The following RFX7 variants were observed in gnomAD, a reference collection of about 807,000 sequenced individuals.
RFX7 encodes the protein regulatory factor X7, also known as DNA-binding protein RFX7.
RFX7 carries 26 observed loss-of-function variants against 111.8 expected under a neutral mutation model. The observed-to-expected ratio is 0.23, with a 90% CI of 0.17 to 0.32. RFX7 has a LOEUF of 0.32. Among genes scored for constraint, RFX7 ranks in the 10% least tolerant of loss-of-function variants. The pLI, the probability that RFX7 is intolerant of heterozygous loss-of-function variation, is 1.00. For missense variants in RFX7, 1,573 were observed against 1,772.9 expected (o/e 0.89, Z 2.02); for synonymous variants, 624 against 624.4 (o/e 1.00, Z 0.01).
At chr15:56,174,235 G>A (rs1162675970) in intron 3 of RFX7, among the ~76,000 whole-genome samples, 1 of 151,876 alleles carries the variant, frequency 6.6e-6, no homozygotes, top group African/African-American at 2.4e-5. Flanking sequence ...CTGAGATTGT[G>A]CCACTGCACT....
At chr15:56,127,555 T>C (rs7180897) in intron 5 of RFX7, among the ~76,000 whole-genome samples, 128 of 151,224 alleles carry the variant, frequency 8.5e-4, no homozygotes, top group African/African-American at 3.0e-3. Context: ...AAAAGATTTT[T>C]TTTTTTTTTT....
intron 3 of RFX7, among the ~76,000 whole-genome samples, chr15:56,174,075 C>T (rs759693644): frequency 1.2e-4 from 18 of 151,738 alleles, no homozygotes; most frequent in Non-Finnish European, 2.2e-4. Flanking sequence ...GTCACGAGTC[C>T]GAGACCAGTC....
rs10564650 is a variant in RFX7, at chr15:56,125,610, AGTGTGTGTGT to A, written c.401+17158_401+17167del. On this transcript the variant is annotated intron_variant, in intron 5 of 9. Coordinates refer to ENST00000559447, the MANE Select transcript of RFX7 (RefSeq NM_022841.7). ...TCTGAGGGTTTCTTCTGTGTGTGTG[AGTGTGTGTGT>A]GTGTGTGTGTGTGTGTGTGTGTGTG... 6.7e-3 allele frequency among the ~76,000 whole-genome samples: 984 copies of A among 146,986 alleles called. 6 individuals are homozygous for A. The highest frequency in any genetic ancestry group is 0.01 in the Middle Eastern group (3 of 290).
intron 3 of RFX7, among the ~76,000 whole-genome samples, chr15:56,151,153 G>T (rs1453116568): frequency 6.6e-6 from 1 of 152,186 alleles, no homozygotes; most frequent in Non-Finnish European, 1.5e-5. Flanking sequence ...ATATTATCCA[G>T]AACTTCTCCA....
chr15:56,115,388 T>C (rs1311217235), intron 5 of RFX7, among the ~76,000 whole-genome samples: 1 of 152,142 alleles, frequency 6.6e-6, no homozygotes, highest in Non-Finnish European at 1.5e-5. Flanking sequence ...ATATCCACAG[T>C]ACAGAAATCC....
intron 5 of RFX7, among the ~76,000 whole-genome samples, chr15:56,141,272 CTGGGGG>C (rs1157578495): frequency 7.8e-6 from 1 of 127,540 alleles, no homozygotes; most frequent in Non-Finnish European, 1.6e-5. Context: ...CGCTTGAGCC[CTGGGGG>C]TGGGGGTGGG....
At chr15:56,129,219 A>G (rs1373356984) in intron 5 of RFX7, among the ~76,000 whole-genome samples, 1 of 152,020 alleles carries the variant, frequency 6.6e-6, no homozygotes, top group African/African-American at 2.4e-5. Flanking sequence ...TATAATAAAT[A>G]TAAAAATTAG....
chr15:56,225,700 A>G (rs1407902022), intron 2 of RFX7, among the ~76,000 whole-genome samples: 2 of 152,136 alleles, frequency 1.3e-5, no homozygotes, highest in African/African-American at 2.4e-5. Context: ...TGGTATCTTT[A>G]TATCTGGAGA....
At chr15:56,199,497 T>A (rs1027126150) in intron 2 of RFX7, among the ~76,000 whole-genome samples, 4 of 152,192 alleles carry the variant, frequency 2.6e-5, no homozygotes, top group Admixed American at 2.0e-4. Context: ...AGCCTCAATC[T>A]ATATGCCTTC....
upstream of RFX7, among the ~76,000 whole-genome samples, chr15:56,244,637 C>T (rs78418310): frequency 4.8e-3 from 660 of 138,302 alleles, 11 homozygotes; most frequent in African/African-American, 0.017. Flanking sequence ...CTCCCAATTC[C>T]ACCCAGGCTC....
intron 5 of RFX7, among the ~76,000 whole-genome samples, chr15:56,120,972 T>C (rs1595941268): frequency 2.0e-5 from 3 of 152,246 alleles, no homozygotes; most frequent in African/African-American, 4.8e-5. Flanking sequence ...TGTGTAGTTA[T>C]TGTTTTTGAT....
chr15:56,107,296 C>CAAAAAAAAAAA (rs56077181), intron 5 of RFX7, among the ~76,000 whole-genome samples: 4 of 32,122 alleles, frequency 1.2e-4, no homozygotes, highest in Non-Finnish European at 1.7e-4. Flanking sequence ...GACTCCGTCT[C>CAAAAAAAAAAA]AAAAAAAAAA....
At chr15:56,102,808 A>G (rs1472890335) in intron 6 of RFX7, among the ~76,000 whole-genome samples, 5 of 152,302 alleles carry the variant, frequency 3.3e-5, no homozygotes, top group Middle Eastern at 3.4e-3. Context: ...ACCATTTTAG[A>G]AAAGCAAGTT....
chr15:56,133,905 CAT>C (rs2042251462), intron 5 of RFX7, among the ~76,000 whole-genome samples: 1 of 152,112 alleles, frequency 6.6e-6, no homozygotes. Context: ...CTTCCTAGCA[CAT>C]GTCATGTTGT....
chr15:56,157,023 C>T (rs1000013800), intron 3 of RFX7, among the ~76,000 whole-genome samples: 24 of 152,324 alleles, frequency 1.6e-4, no homozygotes, highest in African/African-American at 5.8e-4. Flanking sequence ...GAGGATTACA[C>T]TTGGAGAACC....
intron 2 of RFX7, among the ~76,000 whole-genome samples, chr15:56,184,198 T>TG (rs2043011038): frequency 7.1e-6 from 1 of 141,050 alleles, no homozygotes; most frequent in African/African-American, 2.7e-5. Context: ...TTTGTATTTT[T>TG]TTTTTTTTTT....
intron 3 of RFX7, among the ~76,000 whole-genome samples, chr15:56,178,296 A>G (rs1299869215): frequency 6.6e-6 from 1 of 152,056 alleles, no homozygotes; most frequent in Non-Finnish European, 1.5e-5. Flanking sequence ...GAAAAGTGTA[A>G]GAGAACTGAT....
chr15:56,095,334 T>C lies in RFX7; in HGVS notation c.2394A>G (p.Gln798=), dbSNP rs182321841. 448 of 1,613,950 alleles carry C rather than the reference T, an allele frequency of 2.8e-4. 2 individuals carry two copies. In the African/African-American group the frequency reaches 5.4e-3, roughly 19 times the overall value. Residue 798 remains glutamine, a synonymous_variant, in exon 10 of 10, where the codon CAA becomes CAG. Transcript: ENST00000559447. ...DSEFISASCE[Q]QQDISVMTIP... ...TTGTCATAACACTGATATCTTGCTG[T>C]TGTTCACAACTGGCAGATATAAACT...
chr15:56,136,224 G>A (rs1406499359), intron 5 of RFX7, among the ~76,000 whole-genome samples: 52 of 148,436 alleles, frequency 3.5e-4, no homozygotes, highest in South Asian at 4.5e-4. Flanking sequence ...CCATTTTCAC[G>A]ATATTGATTC....
Sources: allele counts gnomAD v4.1 joint callset (sites outside exome capture counted in the v4.1 genomes callset), GRCh38; gene constraint gnomAD v4.1.1; transcripts MANE v1.5; gene names NCBI Gene and HGNC (gene_info 2026-07-23, HGNC 2026-07-21).